GSE1: variants seen among roughly 807,000 people sequenced by gnomAD.
GSE1 encodes genetic suppressor element 1.
In GSE1, 32 loss-of-function variants were observed where a neutral mutation model predicts 112.6. That is an observed-to-expected ratio of 0.28 (90% CI 0.21 to 0.38). GSE1 has a LOEUF of 0.38. Ranked by LOEUF, GSE1 falls within the 10% of genes least tolerant of loss-of-function variation. The pLI is 1.00. For missense variants in GSE1, 2,348 were observed against 1,699.2 expected, an observed-to-expected ratio of 1.38 and a Z score of -6.71; for synonymous variants, 1,115 against 735.6, an observed-to-expected ratio of 1.52 and a Z score of -8.35.
At chr16:85,667,645 G>C (rs900911425) in intron 13 of GSE1, among the ~76,000 whole-genome samples, 8 of 152,214 alleles carry the variant, frequency 5.3e-5, no homozygotes, top group Admixed American at 3.9e-4. Context: ...ATCACCTGAG[G>C]TCCGGAGTTT....
intron 1 of GSE1, among the ~76,000 whole-genome samples, chr16:85,270,120 T>C (rs79265900): frequency 0.032 from 4,754 of 148,966 alleles, 351 homozygotes; most frequent in African/African-American, 0.11. Context: ...GTGGCTTCAC[T>C]CCTCTGGGGT....
chr16:85,555,860 ATCT>A, upstream of GSE1: 1 of 874,774 alleles, frequency 1.1e-6, no homozygotes, highest in Non-Finnish European at 1.3e-6. Context: ...ATCCCTGAAG[ATCT>A]TAACCCCCCA....
In GSE1 at chr16:85,559,289, G is replaced by T. The variant is rs991387166; in HGVS notation, c.37+2926G>T. ...CAGATGAGCAAAGTGAGACCCAGGG[G>T]CTCAGCAATTGCCCAGCTTGGGAGT... On this transcript the variant is annotated intron_variant, in intron 1 of 2. Transcript: ENST00000635906. Among the ~76,000 whole-genome samples the T allele has an allele frequency of 2.6e-5, 4 of 152,224 alleles. No homozygotes were observed. In the East Asian group the frequency reaches 5.8e-4, roughly 22 times the overall value.
At chr16:85,650,830 G>A (rs926173562) in intron 3 of GSE1, among the ~76,000 whole-genome samples, 1 of 147,270 alleles carries the variant, frequency 6.8e-6, no homozygotes, top group African/African-American at 2.5e-5. Flanking sequence ...ATGAGTCTCC[G>A]AGGCTGCGGA....
At chr16:85,616,365 G>A (rs2048371599) in intron 1 of GSE1, among the ~76,000 whole-genome samples, 1 of 152,224 alleles carries the variant, frequency 6.6e-6, no homozygotes. Context: ...CCTTTTCCCT[G>A]CCTCCAGGAG....
chr16:85,555,395 G>T (rs2045151917), upstream of GSE1: 1 of 978,590 alleles, frequency 1.0e-6, no homozygotes. Flanking sequence ...AACCAAAAAA[G>T]GGGGGGGAGG....
rs983483705 is a variant in GSE1 at position 85,632,044 on chromosome 16, C to T, written c.8-1870C>T. ...GGCCCTCATTGGCAGCCCGCATTTT[C>T]TGGAAGTGAGGCTGCCAGGCAGAGC... is the stretch of plus-strand genomic sequence containing the variant. On this transcript the variant is annotated intron_variant, in intron 1 of 15. Coordinates refer to ENST00000253458, the MANE Select transcript of GSE1 (RefSeq NM_014615.5). 2.0e-5 allele frequency among the ~76,000 whole-genome samples: 3 copies of T among 152,228 alleles called. No homozygotes were observed. The South Asian group carries it at 6.2e-4, about 31-fold the overall frequency.
chr16:85,469,693 C>T (rs932639631), intron 2 of GSE1, among the ~76,000 whole-genome samples: 18 of 152,316 alleles, frequency 1.2e-4, no homozygotes, highest in African/African-American at 4.3e-4. Context: ...CTCCCTGAGG[C>T]TGGAAAGTCA....
At chr16:85,611,477 G>C (rs912061092), upstream of GSE1, 4 of 985,300 alleles carry the variant, frequency 4.1e-6, no homozygotes, top group Non-Finnish European at 4.8e-6. Context: ...GAGCTGGCGG[G>C]TCGTGCGGGG....
intron 1 of GSE1, among the ~76,000 whole-genome samples, chr16:85,244,461 G>A (rs1444565650): frequency 2.6e-5 from 4 of 152,188 alleles, no homozygotes; most frequent in Non-Finnish European, 5.9e-5. Flanking sequence ...AGATGCATAA[G>A]AAAATTAATT....
In GSE1 at chr16:85,530,052, C is replaced by T. The variant is rs535397285; in HGVS notation, c.2465-103862C>T. Among the ~76,000 whole-genome samples the T allele has an allele frequency of 2.3e-3, 345 of 152,326 alleles. 2 individuals are homozygous for T. Among genetic ancestry groups the T allele is most frequent in the Non-Finnish European group, 3.7e-3 (254 of 68,028 alleles). On this transcript the variant is annotated intron_variant, in intron 2 of 2. Transcript: ENST00000637419. Reference sequence around the variant, plus strand: ...AACCTGCCCGCATGTACCCAGCGTTCCTGCCCTGATTGGAACCAGCTCTTG... The same window carrying T: ...AACCTGCCCGCATGTACCCAGCGTTTCTGCCCTGATTGGAACCAGCTCTTG...
chr16:85,557,551 C>G (rs571800821), intron 1 of GSE1, among the ~76,000 whole-genome samples: 1 of 151,270 alleles, frequency 6.6e-6, no homozygotes, highest in Non-Finnish European at 1.5e-5. Context: ...GTGCACGTGG[C>G]CCGGTGTTCG....
chr16:85,655,592 C>G (rs2051849726), intron 5 of GSE1, 134 bp from the exon 6 acceptor site: 1 of 611,906 alleles, frequency 1.6e-6, no homozygotes, highest in African/African-American at 1.8e-5. Flanking sequence ...CAGGCATGGT[C>G]TTCATCCCCA....
intron 1 of GSE1, chr16:85,593,454 T>G (rs2047081192): frequency 6.6e-6 from 1 of 152,426 alleles, no homozygotes; most frequent in Non-Finnish European, 1.5e-5. Context: ...ATGTCATCAT[T>G]CAGGGGCAGC....
intron 1 of GSE1, among the ~76,000 whole-genome samples, chr16:85,348,788 C>CA (rs1396787052): frequency 2.0e-5 from 3 of 152,196 alleles, no homozygotes; most frequent in Non-Finnish European, 4.4e-5. Context: ...GTCACCTGGC[C>CA]AAACTTGAAG....
upstream of GSE1, among the ~76,000 whole-genome samples, chr16:85,612,542 C>T (rs900168278): frequency 4.6e-5 from 7 of 152,082 alleles, no homozygotes; most frequent in Non-Finnish European, 8.8e-5. Flanking sequence ...TCTCCAGCCC[C>T]TGGGCCGCGG....
At chr16:85,309,907 C>T (rs894658676) in intron 1 of GSE1, among the ~76,000 whole-genome samples, 48 of 152,344 alleles carry the variant, frequency 3.2e-4, no homozygotes, top group East Asian at 1.5e-3. Context: ...CACCCCCTCA[C>T]GCCCCAGCTC....
rs1434386122 is a variant in GSE1, at chr16:85,431,511, T to A, written c.2464+73868T>A. On this transcript the variant is annotated intron_variant, in intron 2 of 2. Coordinates refer to the GSE1 transcript ENST00000637419. The stretch of plus-strand genomic sequence containing the variant: ...AGGCCACACTTGCAGAGCGCGTCTC[T>A]GATCCAACGCCTGCTGTCCCCAGAT... Among the ~76,000 whole-genome samples the A allele has an allele frequency of 8.1e-4, 123 of 152,264 alleles. 1 individual carries two copies. Among genetic ancestry groups the A allele is most frequent in the Non-Finnish European group, 1.0e-4 (7 of 68,040 alleles).
rs2051548422 is a variant in GSE1 at position 85,653,222 on chromosome 16, C to A, written c.427-1056C>A. Among the ~76,000 whole-genome samples the A allele has an allele frequency of 8.0e-3, 2 of 250 alleles. 1 individual carries two copies. Among genetic ancestry groups the A allele is most frequent in the African/African-American group, 0.031 (2 of 64 alleles). 0.2% of individuals were successfully genotyped at this position (250 alleles called of 152,430 possible). A position where few individuals can be genotyped will look rare whatever the true frequency, so the allele number is the denominator to read the frequency against. ...TCCCCCCTCCTCCCCCCTCCCCCTC[C>A]TCCTCCTCCTCCCCCCTCCTCCTCC... On this transcript the variant is annotated intron_variant, in intron 3 of 15. Coordinates refer to ENST00000253458, the MANE Select transcript of GSE1 (RefSeq NM_014615.5).
Sources: gnomAD v4.1 joint callset for allele counts (sites outside exome capture counted in the v4.1 genomes callset) on GRCh38, gnomAD v4.1.1 for gene constraint, MANE v1.5 for transcripts, NCBI Gene and HGNC (gene_info 2026-07-23, HGNC 2026-07-21) for gene names.